The following KIF22 variants were observed in gnomAD, a reference collection of about 807,000 sequenced individuals.
KIF22 encodes kinesin-like protein KIF22.
A neutral mutation model predicts 73.0 loss-of-function variants in KIF22; 62 were observed. The ratio of observed to expected loss-of-function variants is 0.85; its 90% CI spans 0.69 to 1.05. The LOEUF (loss-of-function observed/expected upper bound fraction) is 1.05. KIF22 is among the 50% of genes least tolerant of loss of function. The pLI, the probability that KIF22 is intolerant of heterozygous loss-of-function variation, is 0.00. For synonymous variants in KIF22, 411 were observed against 340.1 expected, an observed-to-expected ratio of 1.21 and a Z score of -2.29; for missense variants, 854 against 870.1, an observed-to-expected ratio of 0.98 and a Z score of 0.23.
At position 29,798,874 on chromosome 16, in the gene KIF22, G is replaced by C; in HGVS notation, c.550-101G>C. 6.5e-7 allele frequency: 1 copy of C among 1,530,038 alleles called. No homozygotes were observed. Among genetic ancestry groups the C allele is most frequent in the Non-Finnish European group, 9.0e-7 (1 of 1,111,684 alleles). 94.8% of individuals were successfully genotyped at this position (1,530,038 alleles called of 1,614,324 possible). ...TAGAAAGACAGAGACTGGGGTAGCA[G>C]ATGGTACAACTCCGAGAATAGAACA... On this transcript the variant is annotated intron_variant, in intron 4 of 13. Transcript: ENST00000160827. The surrounding 1 kb of genome is among the most constrained non-coding windows in gnomAD (Gnocchi z 4.1).
In KIF22 at chr16:29,802,887, G is replaced by T; in HGVS notation, c.1399G>T (p.Glu467Ter). ...GAPLLSTPKR[E>*]RMVLMKTVEE... Reference sequence around the variant, plus strand: ...CCCTCTGTTGAGTACCCCAAAGCGAGAGCGGATGGTGCTAATGAAGACAGT... The same window carrying T: ...CCCTCTGTTGAGTACCCCAAAGCGATAGCGGATGGTGCTAATGAAGACAGT... Residue 467 changes from glutamate (E) to a stop codon, truncating the protein, a stop_gained, in exon 9 of 14, where the codon GAG becomes TAG. Coordinates refer to ENST00000160827, the MANE Select transcript of KIF22 (RefSeq NM_007317.3). LOFTEE classifies it high-confidence loss of function. 6.2e-7 allele frequency: 1 copy of T among 1,612,722 alleles called. No homozygotes were observed. Among genetic ancestry groups the T allele is most frequent in the Non-Finnish European group, 8.5e-7 (1 of 1,179,518 alleles).
rs1356820505 is a variant in KIF22, at chr16:29,797,302, C to A, written c.266+214C>A. Among the ~76,000 whole-genome samples, 2 of 152,130 alleles carry A rather than the reference C, an allele frequency of 1.3e-5. No homozygotes were observed. Among genetic ancestry groups the A allele is most frequent in the African/African-American group, 2.4e-5 (1 of 41,416 alleles). On this transcript the variant is annotated intron_variant, in intron 2 of 13. Transcript: ENST00000160827. This position sits in a 1 kb window ranked among gnomAD's most constrained non-coding sequence, Gnocchi z 4.1. ...GAGATGAGAGGTTGAATCAAACATA[C>A]ATTACTGTGCACAGAGAGGGAGGAG... is the stretch of plus-strand genomic sequence containing the variant.
chr16:29,791,817 G>A (rs1898826395), intron 1 of KIF22, among the ~76,000 whole-genome samples: 1 of 152,124 alleles, frequency 6.6e-6, no homozygotes, highest in South Asian at 2.1e-4. Flanking sequence ...TAACCATTAT[G>A]CCCAAGTACA....
chr16:29,800,209 C>A (rs1899091132), intron 8 of KIF22, 161 bp downstream of exon 8: 1 of 774,364 alleles, frequency 1.3e-6, no homozygotes, highest in African/African-American at 1.8e-5. Flanking sequence ...AACCCCAGCA[C>A]TTTGGGAGAC....
In KIF22 at chr16:29,798,898, C is replaced by T. The variant is rs1324566632; in HGVS notation, c.550-77C>T. The T allele has an allele frequency of 3.2e-5, 50 of 1,556,498 alleles. No individual in the cohort carries two copies. Among genetic ancestry groups the T allele is most frequent in the Non-Finnish European group, 4.2e-5 (47 of 1,130,234 alleles). On this transcript the variant is annotated intron_variant, in intron 4 of 13. Transcript: ENST00000160827. The surrounding 1 kb of genome is among the most constrained non-coding windows in gnomAD (Gnocchi z 4.1). ...AGATGGTACAACTCCGAGAATAGAA[C>T]AGAGAAAGGAAACTGATCCCCAGGA... is the stretch of plus-strand genomic sequence containing the variant.
chr16:29,795,459 C>T (rs1410293730), intron 1 of KIF22, among the ~76,000 whole-genome samples: 5 of 152,142 alleles, frequency 3.3e-5, no homozygotes, highest in East Asian at 1.9e-4. Flanking sequence ...TTGCCTTCTG[C>T]GAGGCCTATG....
At position 29,799,791 on chromosome 16, in the gene KIF22, G is replaced by C. The variant is rs1479584350; in HGVS notation, c.1144+10G>C. On this transcript the variant is annotated intron_variant, in intron 7 of 13. Transcript: ENST00000160827. ...AGCCTGCAGCCTCATGGTGAGAACT[G>C]GGGGAGGCAGGAGTGGAAACGCTGG... 6.2e-7 allele frequency: 1 copy of C among 1,613,592 alleles called. No homozygotes were observed. The highest frequency in any genetic ancestry group is 8.5e-7 in the Non-Finnish European group (1 of 1,179,872).
At position 29,803,507 on chromosome 16, in the gene KIF22, A is replaced by T; in HGVS notation, c.1508A>T (p.Glu503Val). Residue 503 changes from glutamate to valine, a missense_variant, in exon 10 of 14, where the codon GAA (glutamate) becomes GTA (valine). Glu to Val is a moderately radical substitution (Grantham distance 121). Coordinates refer to ENST00000160827, the MANE Select transcript of KIF22 (RefSeq NM_007317.3). The stretch of plus-strand genomic sequence containing the variant: ...AAGATGTTGGCCCAGAAGGCTGAGG[A>T]AAAGGAGAACCATTGTCCCACAATG... The part of the protein sequence containing the change: ...EAKMLAQKAE[E>V]KENHCPTMLR... 6 of 1,614,210 alleles carry T rather than the reference A, an allele frequency of 3.7e-6. No homozygotes were observed. The South Asian group carries it at 6.6e-5, about 18-fold the overall frequency.
intron 1 of KIF22, 138 bp downstream of exon 1, chr16:29,790,967 G>T: frequency 2.0e-6 from 3 of 1,490,286 alleles, no homozygotes; most frequent in Admixed American, 2.1e-5. Flanking sequence ...GGGGGACGGT[G>T]AGAGTGTGGG....
Position 29,797,408 on chromosome 16 carries a change from A to G in KIF22, c.266+320A>G, listed in dbSNP as rs1249025196. Among the ~76,000 whole-genome samples, 3 of 152,116 alleles carry G rather than the reference A, an allele frequency of 2.0e-5. No homozygotes were observed. The highest frequency in any genetic ancestry group is 7.2e-5 in the African/African-American group (3 of 41,426). ...TTGGCGGAACACAGACCTGCCAGCC[A>G]GCCTACCCAAGCTGCAGCTGGGTAG... On this transcript the variant is annotated intron_variant, in intron 2 of 13. Transcript: ENST00000160827. The surrounding 1 kb of genome is among the most constrained non-coding windows in gnomAD (Gnocchi z 4.1).
rs150774671 is a variant in KIF22 at position 29,796,995 on chromosome 16, C to T, written c.173C>T (p.Ala58Val). ...CTGCGGCCATTTGTGGATGGAACAG[C>T]GGGAGCAAGTGATCCCCCCTGTGTG... ...VRLRPFVDGTAGASDPPCVRG... is the reference protein window; with the variant it reads ...VRLRPFVDGTVGASDPPCVRG... Residue 58 changes from alanine to valine, a missense_variant, in exon 2 of 14, where the codon GCG (alanine) becomes GTG (valine). By Grantham distance (64) the Ala-to-Val change is moderately conservative. This residue lies in a region of KIF22 where 186 missense variants were observed against 152.9 expected (regional missense o/e 1.22). Coordinates refer to ENST00000160827, the MANE Select transcript of KIF22 (RefSeq NM_007317.3). 7.7e-5 allele frequency: 124 copies of T among 1,613,972 alleles called. No individual in the cohort carries two copies. The African/African-American group carries it at 1.4e-3, about 18-fold the overall frequency.
Position 29,798,727 on chromosome 16 carries a change from C to G in KIF22, c.529C>G (p.Leu177Val), listed in dbSNP as rs11545429. Residue 177 changes from leucine to valine, a missense_variant, in exon 4 of 14, where the codon CTA (leucine) becomes GTA (valine). By Grantham distance (32) the Leu-to-Val change is conservative (BLOSUM62 1). Coordinates refer to ENST00000160827, the MANE Select transcript of KIF22 (RefSeq NM_007317.3). This position sits in a 1 kb window ranked among gnomAD's most constrained non-coding sequence, Gnocchi z 4.1. ...GGCCCTTTCTGTCACCATGTCTTAC[C>G]TAGAGATCTACCAGGAGAAGGTGAG... The part of the protein sequence containing the change: ...PWALSVTMSY[L>V]EIYQEKVLDL... 1.9e-6 allele frequency: 3 copies of G among 1,613,904 alleles called. No individual in the cohort carries two copies. The highest frequency in any genetic ancestry group is 2.5e-6 in the Non-Finnish European group (3 of 1,179,930).
At chr16:29,802,983 G>A (rs1365246008) in intron 9 of KIF22, 46 bp downstream of exon 9, 3 of 1,580,904 alleles carry the variant, frequency 1.9e-6, no homozygotes, top group Non-Finnish European at 8.7e-7. Context: ...TTGGCCTTGA[G>A]AAGCAATCCT....
intron 10 of KIF22, among the ~76,000 whole-genome samples, 169 bp downstream of exon 10, chr16:29,803,777 T>C (rs1013288680): frequency 2.6e-5 from 4 of 152,062 alleles, no homozygotes; most frequent in Non-Finnish European, 5.9e-5. Context: ...CCCTCGGGTG[T>C]TTAGGACAGT....
intron 11 of KIF22, 134 bp from the exon 12 acceptor site, chr16:29,804,680 G>A: frequency 1.3e-6 from 1 of 745,810 alleles, no homozygotes; most frequent in Non-Finnish European, 2.4e-6. Flanking sequence ...CTGAGGGCGG[G>A]ATTTTGGACA....
chr16:29,800,194 C>A, intron 8 of KIF22, 146 bp downstream of exon 8: 2 of 939,894 alleles, frequency 2.1e-6, no homozygotes, highest in South Asian at 1.8e-5. Flanking sequence ...GTGGCTCACT[C>A]CTGTAACCCC....
At chr16:29,791,154 TC>T in intron 1 of KIF22, 1 of 1,250,476 alleles carries the variant, frequency 8.0e-7, no homozygotes, top group Non-Finnish European at 1.0e-6. Flanking sequence ...TCCCTGGAGA[TC>T]ACCTGAATAA....
chr16:29,804,979 G>A lies in KIF22; in HGVS notation c.1843G>A (p.Ala615Thr), dbSNP rs1193698884. ...RSLQRIGPKK[A>T]QLIVGWRELH... is the part of the protein sequence containing the mutation. ...TCTTCAGCGCATTGGCCCGAAGAAG[G>A]CCCAGCTAATCGTGGGCTGGCGGGA... Residue 615 changes from alanine to threonine, a missense_variant, in exon 12 of 14, where the codon GCC becomes ACC. This residue lies in a region of KIF22 where 423 missense variants were observed against 365.4 expected (regional missense o/e 1.16). Transcript: ENST00000160827. The A allele has an allele frequency of 5.1e-6, 8 of 1,554,130 alleles. No individual in the cohort carries two copies. Among genetic ancestry groups the A allele is most frequent in the Non-Finnish European group, 1.7e-6 (2 of 1,144,610 alleles).
rs751707200 is a variant in KIF22 at position 29,797,062 on chromosome 16, G to A, written c.240G>A (p.Arg80=). ...GCTCTCTAGAGATTGCTAACTGGAG[G>A]AACCACCAGGAGACTCTCAAATACC... is the stretch of plus-strand genomic sequence containing the variant. ...DSCSLEIANW[R]NHQETLKYQF... Residue 80 remains arginine (R), a synonymous_variant, in exon 2 of 14, where the codon AGG becomes AGA. Transcript: ENST00000160827. This position sits in a 1 kb window ranked among gnomAD's most constrained non-coding sequence, Gnocchi z 4.1. 4 of 1,598,890 alleles carry A rather than the reference G, an allele frequency of 2.5e-6. No individual in the cohort carries two copies. The highest frequency in any genetic ancestry group is 3.4e-6 in the Non-Finnish European group (4 of 1,170,596).
Sources: allele counts gnomAD v4.1 joint callset (sites outside exome capture counted in the v4.1 genomes callset), GRCh38; gene constraint gnomAD v4.1.1; regional missense constraint gnomAD v4.1.1; non-coding constraint Gnocchi (gnomAD v3.1); transcripts MANE v1.5; gene names NCBI Gene and HGNC (gene_info 2026-07-23, HGNC 2026-07-21).